The following PVT1 variants were observed in gnomAD, a reference collection of about 807,000 sequenced individuals.
PVT1 encodes Pvt1 oncogene.
In PVT1 at chr8:127,998,535, T is replaced by TTC. The variant is rs34462486; in HGVS notation, n.912+9266_912+9267dup. Among the ~76,000 whole-genome samples, 1,332 of 143,532 alleles carry TTC rather than the reference T, an allele frequency of 9.3e-3. 14 individuals carry two copies. Among genetic ancestry groups the TTC allele is most frequent in the African/African-American group, 0.031 (1,197 of 38,430 alleles). 94.2% of individuals were successfully genotyped at this position (143,532 alleles called of 152,430 possible). A position where few individuals can be genotyped will look rare whatever the true frequency, so the allele number is the denominator to read the frequency against. ...TTCTTCCTTTTCTTTCCTTCTTTCT[T>TTC]TCTCTCTCTCTCTCTCTCTCTCTTC... On this transcript the variant is annotated intron_variant and non_coding_transcript_variant, in intron 4 of 10. Coordinates refer to ENST00000651587, the Ensembl canonical transcript of PVT1.
At chr8:128,060,053 G>C (rs1813811972) in intron 4 of PVT1, among the ~76,000 whole-genome samples, 1 of 152,086 alleles carries the variant, frequency 6.6e-6, no homozygotes, top group Non-Finnish European at 1.5e-5. Flanking sequence ...TCAGGAGATC[G>C]AGACCATCCT....
intron 4 of PVT1, among the ~76,000 whole-genome samples, chr8:127,993,451 T>C (rs1293378936): frequency 6.6e-6 from 1 of 152,256 alleles, no homozygotes; most frequent in African/African-American, 2.4e-5. Context: ...TGATTATCAT[T>C]ATGGTTTTGA....
chr8:127,983,450 C>T (rs1165879141), intron 3 of PVT1, among the ~76,000 whole-genome samples: 2 of 152,130 alleles, frequency 1.3e-5, no homozygotes, highest in East Asian at 1.9e-4. Context: ...GGGTGATTCT[C>T]GCCCTCTTGT....
intron 2 of PVT1, among the ~76,000 whole-genome samples, chr8:127,825,904 G>T (rs1814782496): frequency 6.6e-6 from 1 of 151,628 alleles, no homozygotes; most frequent in South Asian, 2.1e-4. Flanking sequence ...AAGCTGGAGT[G>T]CAGTCGCACA....
intron 4 of PVT1, among the ~76,000 whole-genome samples, chr8:127,999,721 C>T (rs1358181898): frequency 1.3e-5 from 2 of 152,226 alleles, no homozygotes; most frequent in African/African-American, 2.4e-5. Flanking sequence ...TTCAGCCTCC[C>T]GAAGTGCTGG....
At chr8:127,841,810 C>T (rs1415065661) in intron 2 of PVT1, among the ~76,000 whole-genome samples, 3 of 151,558 alleles carry the variant, frequency 2.0e-5, no homozygotes, top group African/African-American at 4.8e-5. Flanking sequence ...ACTGCAACCT[C>T]TGCCTCCCAG....
chr8:127,934,148 A>G (rs1028892612), intron 3 of PVT1, among the ~76,000 whole-genome samples: 1 of 152,142 alleles, frequency 6.6e-6, no homozygotes, highest in Non-Finnish European at 1.5e-5. Context: ...AGGGCCTTTC[A>G]TGTTTTCAAA....
intron 2 of PVT1, among the ~76,000 whole-genome samples, chr8:127,802,331 A>G (rs962949697): frequency 1.3e-5 from 2 of 152,136 alleles, no homozygotes; most frequent in African/African-American, 4.8e-5. Context: ...CTCCCACCTC[A>G]GCCTCCTGGG....
At chr8:128,029,016 T>A (rs1011814903) in intron 4 of PVT1, among the ~76,000 whole-genome samples, 1 of 151,910 alleles carries the variant, frequency 6.6e-6, no homozygotes, top group South Asian at 2.1e-4. Context: ...CTAATTTTTT[T>A]ATTTTTTATA....
At chr8:128,065,602 TG>T (rs1359090085) in intron 4 of PVT1, among the ~76,000 whole-genome samples, 1 of 152,012 alleles carries the variant, frequency 6.6e-6, no homozygotes, top group South Asian at 2.1e-4. Context: ...GAAAGGTTAG[TG>T]GGGGGATCTC....
At chr8:128,008,949 G>T in intron 4 of PVT1, 1 of 521,354 alleles carries the variant, frequency 1.9e-6, no homozygotes. Context: ...GCAAGCTAGT[G>T]AACGCTGCCA....
intron 2 of PVT1, among the ~76,000 whole-genome samples, chr8:127,821,133 A>C (rs1035565118): frequency 6.6e-6 from 1 of 152,150 alleles, no homozygotes; most frequent in Non-Finnish European, 1.5e-5. Flanking sequence ...AGGTTATCAA[A>C]CTCAATCTGA....
chr8:127,923,208 G>A (rs1041598346), intron 3 of PVT1, among the ~76,000 whole-genome samples: 2 of 152,220 alleles, frequency 1.3e-5, no homozygotes, highest in Non-Finnish European at 2.9e-5. Context: ...CGGAGTCACC[G>A]TTGAGTTCAT....
intron 5 of PVT1, among the ~76,000 whole-genome samples, chr8:128,083,253 T>C (rs779049331): frequency 8.5e-5 from 13 of 152,256 alleles, no homozygotes; most frequent in Non-Finnish European, 1.5e-4. Flanking sequence ...AAACATTTTA[T>C]AAAATGATTA....
intron 4 of PVT1, among the ~76,000 whole-genome samples, chr8:128,009,317 CTT>C (rs1414651657): frequency 6.6e-6 from 1 of 152,148 alleles, no homozygotes; most frequent in Non-Finnish European, 1.5e-5. Flanking sequence ...CAAAATATCT[CTT>C]GTTTAAAATA....
chr8:127,982,275 A>G (rs1248964532), intron 3 of PVT1, among the ~76,000 whole-genome samples: 1 of 152,194 alleles, frequency 6.6e-6, no homozygotes, highest in African/African-American at 2.4e-5. Context: ...TCAGAAACAT[A>G]AGGACTGGAC....
intron 5 of PVT1, among the ~76,000 whole-genome samples, chr8:128,081,503 G>A (rs775359893): frequency 5.9e-5 from 9 of 152,170 alleles, no homozygotes; most frequent in African/African-American, 2.2e-4. Flanking sequence ...GAGATTTTTC[G>A]TTACAATGTC....
At chr8:128,023,164 G>A (rs1009860868) in intron 4 of PVT1, among the ~76,000 whole-genome samples, 13 of 152,122 alleles carry the variant, frequency 8.5e-5, no homozygotes, top group African/African-American at 3.1e-4. Flanking sequence ...CACTGTATCC[G>A]GCTGCAAGCT....
intron 2 of PVT1, among the ~76,000 whole-genome samples, chr8:127,839,730 T>G (rs1814951952): frequency 6.6e-6 from 1 of 151,718 alleles, no homozygotes; most frequent in Non-Finnish European, 1.5e-5. Flanking sequence ...GAAGGGAGGT[T>G]TAAGGAAGAG....
Sources: gnomAD v4.1 joint callset for allele counts (sites outside exome capture counted in the v4.1 genomes callset) on GRCh38, gnomAD v4.1.1 for gene constraint, MANE v1.5 for transcripts, NCBI Gene and HGNC (gene_info 2026-07-23, HGNC 2026-07-21) for gene names.